Variants in PRR11 observed in about 807,000 individuals in gnomAD.
The protein encoded by PRR11 is proline rich 11, also known as proline-rich protein 11.
PRR11 carries 30 observed loss-of-function variants against 45.6 expected under a neutral mutation model. That is an observed-to-expected ratio of 0.66 (90% CI 0.49 to 0.89). The LOEUF (loss-of-function observed/expected upper bound fraction) is 0.89, where lower values mean the gene tolerates loss of function less well. Among genes scored for constraint, PRR11 ranks in the 40% least tolerant of loss-of-function variants. The probability of loss-of-function intolerance (pLI) is 0.00; values close to 1 mark genes in which losing one functional copy is unlikely to be tolerated. For missense variants in PRR11, 373 were observed against 424.8 expected (o/e 0.88, Z 1.07); for synonymous variants, 128 against 153.5 (o/e 0.83, Z 1.23).
chr17:59,194,045 A>T (rs2046852536), intron 5 of PRR11, among the ~76,000 whole-genome samples: 1 of 152,124 alleles, frequency 6.6e-6, no homozygotes, highest in Non-Finnish European at 1.5e-5. Flanking sequence ...AGAATAGAAG[A>T]TTGCTTAGAG....
chr17:59,173,125 T>C (rs1462611911), intron 2 of PRR11, among the ~76,000 whole-genome samples: 2 of 152,204 alleles, frequency 1.3e-5, no homozygotes, highest in Non-Finnish European at 2.9e-5. Flanking sequence ...AATACAGCAA[T>C]TGACACTCTG....
At chr17:59,201,494 G>T in intron 9 of PRR11, 69 bp from the exon 10 acceptor site, 1 of 1,518,642 alleles carries the variant, frequency 6.6e-7, no homozygotes, top group South Asian at 1.1e-5. Context: ...GGGTTCTGTT[G>T]AGAAAGGAGA....
chr17:59,181,771 A>G (rs541351247), intron 2 of PRR11: 377 of 1,554,326 alleles, frequency 2.4e-4, no homozygotes, highest in Non-Finnish European at 3.3e-4. Context: ...CCAGGCCACC[A>G]TGTAATGCTT....
At chr17:59,168,268 A>C (rs1031057331) in intron 1 of PRR11, among the ~76,000 whole-genome samples, 1 of 151,482 alleles carries the variant, frequency 6.6e-6, no homozygotes, top group Admixed American at 6.6e-5. Context: ...TCCTGGGTTC[A>C]AGTGATTCTC....
At chr17:59,181,531 T>G in intron 2 of PRR11, 1 of 1,179,358 alleles carries the variant, frequency 8.5e-7, no homozygotes, top group Non-Finnish European at 1.2e-6. Context: ...GTTGAAGTCC[T>G]CATGGTGCTC....
In PRR11 at chr17:59,194,768, A is replaced by T. The variant is rs775830287; in HGVS notation, c.657A>T (p.Leu219Phe). 5 of 1,609,944 alleles carry T rather than the reference A, an allele frequency of 3.1e-6. No individual in the cohort carries two copies. The highest frequency in any genetic ancestry group is 3.4e-6 in the Non-Finnish European group (4 of 1,177,446). The change falls in exon 6 of 10, where the codon TTA (leucine) becomes TTT (phenylalanine). Residue 219 changes from leucine to phenylalanine, a missense_variant. By Grantham distance (22) the Leu-to-Phe change is conservative. Coordinates refer to ENST00000262293, the MANE Select transcript of PRR11 (RefSeq NM_018304.4). Reference sequence around the variant, plus strand: ...CCATGTATTTTAAGGCTGGACCATTAAAAAAAGATGGACCCATGCAGATAA... The same window carrying T: ...CCATGTATTTTAAGGCTGGACCATTTAAAAAAGATGGACCCATGCAGATAA... ...SLAKALQAGP[L>F]KKDGPMQITV... is the part of the protein sequence containing the mutation.
chr17:59,179,780 T>G, intron 2 of PRR11: 1 of 1,371,774 alleles, frequency 7.3e-7, no homozygotes, highest in East Asian at 2.4e-5. Flanking sequence ...GAGCTCCTTC[T>G]CTGGCTCCTC....
chr17:59,175,130 G>A, intron 2 of PRR11: 1 of 558,750 alleles, frequency 1.8e-6, no homozygotes, highest in Non-Finnish European at 3.2e-6. Flanking sequence ...CCAGGTAGCT[G>A]GGGACAGAAA....
rs998930370 is a variant in PRR11, at chr17:59,202,973, A to T, written c.*1342A>T. The T allele has an allele frequency of 6.6e-6, 1 of 151,826 alleles. No individual in the cohort carries two copies. Among genetic ancestry groups the T allele is most frequent in the African/African-American group, 2.4e-5 (1 of 41,386 alleles). The allele number at this position is 151,826 out of a possible 1,614,324, so 9.4% of individuals were successfully genotyped here. On this transcript the variant is annotated 3_prime_UTR_variant, in exon 10 of 10. Transcript: ENST00000262293. Reference sequence around the variant, plus strand: ...CACTTGAGCCCAAGAGTTTGAAGCTATGGTGAGCTATGATTGTTCCACTAT... The same window carrying T: ...CACTTGAGCCCAAGAGTTTGAAGCTTTGGTGAGCTATGATTGTTCCACTAT...
In PRR11 at chr17:59,204,167, G is replaced by A. The variant is rs2046906619; in HGVS notation, c.*2536G>A. 6.6e-6 allele frequency: 1 copy of A among 151,840 alleles called. No individual in the cohort carries two copies. Among genetic ancestry groups the A allele is most frequent in the Non-Finnish European group, 1.5e-5 (1 of 68,022 alleles). The allele number at this position is 151,840 out of a possible 1,614,324, so 9.4% of individuals were successfully genotyped here. Reference sequence around the variant, plus strand: ...CCAGGACTTTAGGAGGCCAAGGCAGGTGGATGACTTGAGCTCAGGAGTTTG... The same window carrying A: ...CCAGGACTTTAGGAGGCCAAGGCAGATGGATGACTTGAGCTCAGGAGTTTG... On this transcript the variant is annotated 3_prime_UTR_variant, in exon 10 of 10. Transcript: ENST00000262293.
intron 2 of PRR11, among the ~76,000 whole-genome samples, chr17:59,182,347 C>T (rs1198038071): frequency 1.4e-5 from 2 of 145,066 alleles, no homozygotes; most frequent in African/African-American, 5.1e-5. Flanking sequence ...CCATTCTTCC[C>T]ATACACCCTC....
Position 59,196,566 on chromosome 17 carries a change from G to A in PRR11, c.858-978G>A, listed in dbSNP as rs529360362. Among the ~76,000 whole-genome samples, 19 of 151,912 alleles carry A rather than the reference G, an allele frequency of 1.3e-4. No individual in the cohort carries two copies. The South Asian group carries it at 3.5e-3, about 28-fold the overall frequency. On this transcript the variant is annotated intron_variant, in intron 7 of 9. Transcript: ENST00000262293. ...AATTTTTGTATGTTTTAATAGAGAC[G>A]GGGTTTCACTATGTTGGCCAGGGTG...
intron 4 of PRR11, among the ~76,000 whole-genome samples, chr17:59,188,915 G>A (rs951675462): frequency 2.4e-4 from 36 of 150,314 alleles, no homozygotes; most frequent in African/African-American, 8.8e-4. Flanking sequence ...ACTCCAGCCT[G>A]GGCAACAGAG....
chr17:59,157,025 T>A (rs2046628724), intron 1 of PRR11, among the ~76,000 whole-genome samples: 1 of 152,248 alleles, frequency 6.6e-6, no homozygotes, highest in Non-Finnish European at 1.5e-5. Flanking sequence ...TTATTGCATC[T>A]TCCTATTGGA....
chr17:59,178,257 C>A (rs914695140), intron 2 of PRR11, among the ~76,000 whole-genome samples: 2 of 152,104 alleles, frequency 1.3e-5, no homozygotes, highest in Non-Finnish European at 2.9e-5. Flanking sequence ...TGCCTTGAAC[C>A]CAGGAGGCTT....
chr17:59,202,020 G>C lies in PRR11; in HGVS notation c.*389G>C. On this transcript the variant is annotated 3_prime_UTR_variant, in exon 10 of 10. Transcript: ENST00000262293. ...CCAAATCCTTTTTTTTAATGTAGTA[G>C]GGTTTATATAGATATACTAATATAA... The C allele has an allele frequency of 4.9e-6, 1 of 204,890 alleles. No homozygotes were observed. The highest frequency in any genetic ancestry group is 1.1e-4 in the East Asian group (1 of 9,494). 12.7% of individuals were successfully genotyped at this position (204,890 alleles called of 1,614,324 possible).
intron 1 of PRR11, among the ~76,000 whole-genome samples, chr17:59,166,351 T>C (rs1416580931): frequency 1.3e-5 from 2 of 152,240 alleles, no homozygotes; most frequent in African/African-American, 4.8e-5. Flanking sequence ...GTTCCTCAAG[T>C]AGCAACAACT....
intron 9 of PRR11, among the ~76,000 whole-genome samples, chr17:59,200,907 G>A (rs1004843376): frequency 6.6e-6 from 1 of 151,886 alleles, no homozygotes; most frequent in African/African-American, 2.4e-5. Flanking sequence ...TTACAGGCGT[G>A]AGCCACCGTC....
At chr17:59,160,985 C>T (rs190830311) in intron 1 of PRR11, 1 of 152,134 alleles carries the variant, frequency 6.6e-6, no homozygotes, top group African/African-American at 2.4e-5. Flanking sequence ...CATCCTCCCA[C>T]CTCCACCTCA....
Sources: allele counts gnomAD v4.1 joint callset (sites outside exome capture counted in the v4.1 genomes callset), GRCh38; gene constraint gnomAD v4.1.1; transcripts MANE v1.5; gene names NCBI Gene and HGNC (gene_info 2026-07-23, HGNC 2026-07-21).